Variants in ENOX1 observed in about 807,000 individuals in gnomAD.
ENOX1 encodes the protein candidate growth-related and time keeping constitutive hydroquinone (NADH) oxidase.
A neutral mutation model predicts 82.5 loss-of-function variants in ENOX1; 42 were observed. The ratio of observed to expected loss-of-function variants is 0.51; its 90% CI spans 0.40 to 0.66. The LOEUF (loss-of-function observed/expected upper bound fraction) is 0.66. ENOX1 is among the 30% of genes least tolerant of loss of function. The pLI is 0.00. For missense variants in ENOX1, 608 were observed against 811.6 expected, an observed-to-expected ratio of 0.75 and a Z score of 3.05; for synonymous variants, 271 against 282.2, an observed-to-expected ratio of 0.96 and a Z score of 0.40.
intron 13 of ENOX1, among the ~76,000 whole-genome samples, chr13:43,266,830 G>C (rs1214816560): frequency 6.6e-6 from 1 of 152,126 alleles, no homozygotes; most frequent in Non-Finnish European, 1.5e-5. Context: ...CCTGTAGCTT[G>C]TGCTCCCATG....
At chr13:43,292,251 A>G (rs1408509870) in intron 12 of ENOX1, among the ~76,000 whole-genome samples, 1 of 152,198 alleles carries the variant, frequency 6.6e-6, no homozygotes, top group Non-Finnish European at 1.5e-5. Flanking sequence ...TGAGAAGATA[A>G]TGATTAGAGG....
At chr13:43,421,254 G>T (rs2054956195) in intron 3 of ENOX1, among the ~76,000 whole-genome samples, 1 of 152,070 alleles carries the variant, frequency 6.6e-6, no homozygotes, top group Non-Finnish European at 1.5e-5. Flanking sequence ...TTATGATAAG[G>T]TTACATTCTG....
intron 2 of ENOX1, among the ~76,000 whole-genome samples, chr13:43,489,331 T>C (rs1341106118): frequency 6.6e-6 from 1 of 152,178 alleles, no homozygotes; most frequent in Admixed American, 6.5e-5. Context: ...CCTCCCCAGC[T>C]GTGGCTTGAG....
intron 1 of ENOX1, among the ~76,000 whole-genome samples, chr13:43,670,975 CTG>C (rs2085239708): frequency 6.6e-6 from 1 of 152,154 alleles, no homozygotes. Flanking sequence ...TGATCTGGCT[CTG>C]TGTCCCTACC....
intron 2 of ENOX1, among the ~76,000 whole-genome samples, chr13:43,520,899 A>G (rs1451151923): frequency 1.3e-5 from 2 of 152,164 alleles, no homozygotes; most frequent in African/African-American, 4.8e-5. Flanking sequence ...ATATCCAAAC[A>G]ATATGATTCT....
chr13:43,416,638 C>T (rs11147909), intron 3 of ENOX1, among the ~76,000 whole-genome samples: 6,924 of 149,458 alleles, frequency 0.046, 564 homozygotes, highest in African/African-American at 0.16. Context: ...ACGCTCCTCA[C>T]ATCCCAGACC....
chr13:43,698,487 T>C (rs1271429149), intron 1 of ENOX1, among the ~76,000 whole-genome samples: 1 of 152,150 alleles, frequency 6.6e-6, no homozygotes, highest in East Asian at 1.9e-4. Context: ...TAAAACTCAG[T>C]GGTTATAAAA....
At chr13:43,295,012 A>G (rs2153504738) in intron 12 of ENOX1, among the ~76,000 whole-genome samples, 1 of 152,318 alleles carries the variant, frequency 6.6e-6, no homozygotes, top group East Asian at 1.9e-4. Context: ...GAACTGATTT[A>G]TATATTGATT....
chr13:43,258,814 A>T (rs1230045102), intron 14 of ENOX1, among the ~76,000 whole-genome samples: 1 of 152,196 alleles, frequency 6.6e-6, no homozygotes, highest in African/African-American at 2.4e-5. Flanking sequence ...CTTCCAAAAA[A>T]GGTCTCGTCT....
At chr13:43,758,981 G>A (rs534409713) in intron 1 of ENOX1, among the ~76,000 whole-genome samples, 31 of 152,170 alleles carry the variant, frequency 2.0e-4, no homozygotes, top group African/African-American at 7.0e-4. Flanking sequence ...AGGAAAGGAC[G>A]CTCTGTTTGC....
At chr13:43,551,619 T>C (rs1273198723) in intron 2 of ENOX1, among the ~76,000 whole-genome samples, 1 of 152,232 alleles carries the variant, frequency 6.6e-6, no homozygotes, top group African/African-American at 2.4e-5. Context: ...CAACAACTGA[T>C]TATTACATTT....
At chr13:43,506,549 T>G (rs561118687) in intron 2 of ENOX1, among the ~76,000 whole-genome samples, 1 of 135,354 alleles carries the variant, frequency 7.4e-6, no homozygotes. Context: ...ATGTTTATTG[T>G]GGCACTATTC....
At chr13:43,662,877 T>C (rs2084801939) in intron 2 of ENOX1, among the ~76,000 whole-genome samples, 1 of 152,206 alleles carries the variant, frequency 6.6e-6, no homozygotes, top group African/African-American at 2.4e-5. Context: ...ATGCGAAAAT[T>C]GCAATATGCA....
At position 43,717,580 on chromosome 13, in the gene ENOX1, G is replaced by A. The variant is rs191337655; in HGVS notation, c.-284-50036C>T. ...ACTAAAGAGCTTCTGCAGAGCAAAA[G>A]AAACTATCAACAGGGTAAACAGACA... On this transcript the variant is annotated intron_variant, in intron 1 of 16. Coordinates refer to ENST00000690772, the MANE Select transcript of ENOX1 (RefSeq NM_001347969.2). Among the ~76,000 whole-genome samples the A allele has an allele frequency of 1.2e-3, 177 of 152,232 alleles. 1 individual carries two copies. Among genetic ancestry groups the A allele is most frequent in the African/African-American group, 4.2e-3 (175 of 41,548 alleles).
At chr13:43,754,051 T>TATATACGTATATACGTATATAAATACAC (rs71099849) in intron 1 of ENOX1, among the ~76,000 whole-genome samples, 1 of 117,780 alleles carries the variant, frequency 8.5e-6, no homozygotes, top group East Asian at 2.4e-4. Context: ...TAAATACACA[T>TATATACGTATATACGTATATAAATACAC]ATATATACAT....
At chr13:43,448,932 C>T (rs575407297) in intron 3 of ENOX1, among the ~76,000 whole-genome samples, 20 of 152,296 alleles carry the variant, frequency 1.3e-4, no homozygotes, top group African/African-American at 2.6e-4. Flanking sequence ...TCGAGAAATC[C>T]GCACCATCTT....
intron 2 of ENOX1, among the ~76,000 whole-genome samples, chr13:43,550,228 G>A (rs958229884): frequency 6.6e-6 from 1 of 152,194 alleles, no homozygotes; most frequent in Admixed American, 6.5e-5. Flanking sequence ...TTTATGACCT[G>A]GGTGTTGGGG....
intron 3 of ENOX1, among the ~76,000 whole-genome samples, chr13:43,470,326 A>C (rs2057969861): frequency 2.1e-5 from 1 of 46,910 alleles, no homozygotes; most frequent in African/African-American, 7.0e-5. Context: ...ACACATATAT[A>C]TATGTATATA....
In ENOX1 at chr13:43,676,672, C is replaced by A. The variant is rs977694349; in HGVS notation, c.-284-9128G>T. 2.6e-5 allele frequency among the ~76,000 whole-genome samples: 4 copies of A among 152,290 alleles called. No individual in the cohort carries two copies. In the South Asian group the frequency reaches 8.3e-4, roughly 32 times the overall value. On this transcript the variant is annotated intron_variant, in intron 1 of 16. Coordinates refer to ENST00000690772, the MANE Select transcript of ENOX1 (RefSeq NM_001347969.2). ...CAAGCACAGTCCCACTAAGGAACAA[C>A]AGGCAATTATGCATGATCACAGTGA...
Sources: gnomAD v4.1 joint callset for allele counts (sites outside exome capture counted in the v4.1 genomes callset) on GRCh38, gnomAD v4.1.1 for gene constraint, MANE v1.5 for transcripts, NCBI Gene and HGNC (gene_info 2026-07-23, HGNC 2026-07-21) for gene names.